Variants in ANXA4 observed in about 807,000 individuals in gnomAD.
ANXA4 encodes the protein annexin A4, also known as 35-beta calcimedin.
A neutral mutation model predicts 49.8 loss-of-function variants in ANXA4; 39 were observed. That is an observed-to-expected ratio of 0.78 (90% CI 0.61 to 1.02). The LOEUF (loss-of-function observed/expected upper bound fraction) is 1.02. Ranked by LOEUF, ANXA4 falls within the 50% of genes least tolerant of loss-of-function variation. The pLI, the probability that ANXA4 is intolerant of heterozygous loss-of-function variation, is 0.00. For synonymous variants in ANXA4, 134 were observed against 152.5 expected (o/e 0.88, Z 0.89); for missense variants, 360 against 410.1 (o/e 0.88, Z 1.05).
chr2:69,761,324 C>T (rs1671276610), intron 1 of ANXA4, among the ~76,000 whole-genome samples: 1 of 152,068 alleles, frequency 6.6e-6, no homozygotes, highest in South Asian at 2.1e-4. Context: ...ATGAAATGTT[C>T]AGTTTTCACA....
At chr2:69,647,569 T>A (rs567744351) in intron 1 of ANXA4, among the ~76,000 whole-genome samples, 4 of 152,000 alleles carry the variant, frequency 2.6e-5, no homozygotes, top group African/African-American at 9.6e-5. Flanking sequence ...CCACCATGCC[T>A]GGCTAATTTT....
rs773652255 is a variant in ANXA4, at chr2:69,818,714, A to G, written c.724+20A>G. ...CTATAGGTAAGCTGGTAGGGGGAGTAGAGAAACAAATGTTTATAGATTTTC... is the reference window on the plus strand; with the variant it reads ...CTATAGGTAAGCTGGTAGGGGGAGTGGAGAAACAAATGTTTATAGATTTTC... On this transcript the variant is annotated intron_variant, in intron 10 of 12. Coordinates refer to ENST00000394295, the MANE Select transcript of ANXA4 (RefSeq NM_001153.5). 13 of 1,489,008 alleles carry G rather than the reference A, an allele frequency of 8.7e-6. No homozygotes were observed. In the South Asian group the frequency reaches 1.3e-4, roughly 15 times the overall value. 92.2% of individuals were successfully genotyped at this position (1,489,008 alleles called of 1,614,324 possible).
At chr2:69,708,277 A>G (rs1034832751) in intron 2 of ANXA4, among the ~76,000 whole-genome samples, 7 of 152,166 alleles carry the variant, frequency 4.6e-5, no homozygotes, top group African/African-American at 1.2e-4. Context: ...TCGAGTGCCA[A>G]TGGTCAAACG....
upstream of ANXA4, among the ~76,000 whole-genome samples, chr2:69,739,681 T>C (rs1670335968): frequency 6.6e-6 from 1 of 151,978 alleles, no homozygotes. Context: ...ACCGCGGCCT[T>C]CCAACGTGCT....
At chr2:69,824,285 T>C (rs774155570) in intron 12 of ANXA4, among the ~76,000 whole-genome samples, 7 of 151,958 alleles carry the variant, frequency 4.6e-5, no homozygotes, top group Non-Finnish European at 8.8e-5. Context: ...AGTGGATCAC[T>C]TGAGGTCAGG....
intron 2 of ANXA4, among the ~76,000 whole-genome samples, chr2:69,669,781 T>C (rs935939584): frequency 1.2e-4 from 18 of 152,322 alleles, no homozygotes; most frequent in Admixed American, 1.1e-3. Flanking sequence ...ACTGACTCTG[T>C]TGCCTGGCTG....
intron 2 of ANXA4, among the ~76,000 whole-genome samples, chr2:69,785,435 C>T (rs1672374237): frequency 6.6e-6 from 1 of 152,172 alleles, no homozygotes; most frequent in Non-Finnish European, 1.5e-5. Flanking sequence ...TACAAATGCT[C>T]CATCCTAGAT....
intron 3 of ANXA4, among the ~76,000 whole-genome samples, chr2:69,799,771 C>T (rs887429560): frequency 6.6e-6 from 1 of 152,106 alleles, no homozygotes; most frequent in East Asian, 1.9e-4. Flanking sequence ...AGAAGTATCC[C>T]CTGGTTCTTA....
intron 2 of ANXA4, among the ~76,000 whole-genome samples, chr2:69,787,125 T>A (rs556133935): frequency 6.6e-6 from 1 of 152,248 alleles, no homozygotes; most frequent in Non-Finnish European, 1.5e-5. Context: ...TTTCAATAGA[T>A]TAAACCTCTT....
intron 2 of ANXA4, among the ~76,000 whole-genome samples, chr2:69,710,493 A>T (rs914602330): frequency 6.6e-6 from 1 of 151,372 alleles, no homozygotes; most frequent in African/African-American, 2.5e-5. Context: ...AGTAACATTG[A>T]TATGGAAATC....
At chr2:69,760,793 A>G (rs1392491715) in intron 1 of ANXA4, among the ~76,000 whole-genome samples, 1 of 152,218 alleles carries the variant, frequency 6.6e-6, no homozygotes, top group Non-Finnish European at 1.5e-5. Flanking sequence ...TCTGGCCATA[A>G]TAAATGTTCA....
At chr2:69,661,754 T>A (rs1676731064) in intron 2 of ANXA4, among the ~76,000 whole-genome samples, 1 of 150,954 alleles carries the variant, frequency 6.6e-6, no homozygotes, top group Non-Finnish European at 1.5e-5. Flanking sequence ...GGTAAGAGAG[T>A]TTTTTTTGCA....
chr2:69,739,408 G>GT (rs1273304118), upstream of ANXA4, among the ~76,000 whole-genome samples: 3 of 150,468 alleles, frequency 2.0e-5, no homozygotes, highest in East Asian at 5.8e-4. Context: ...TAAAAAAGTG[G>GT]TTTTTTTAGG....
At chr2:69,742,572 C>A (rs929593966) in intron 1 of ANXA4, among the ~76,000 whole-genome samples, 5 of 152,206 alleles carry the variant, frequency 3.3e-5, no homozygotes, top group African/African-American at 1.2e-4. Context: ...CTTTTTAATT[C>A]TTTACTCCAT....
chr2:69,719,471 G>A (rs577642417), intron 2 of ANXA4, among the ~76,000 whole-genome samples: 14 of 150,406 alleles, frequency 9.3e-5, no homozygotes, highest in African/African-American at 2.7e-4. Flanking sequence ...ACGGAGTCTT[G>A]CTCTGTTGCC....
upstream of ANXA4, among the ~76,000 whole-genome samples, chr2:69,738,912 C>G (rs183689185): frequency 2.0e-5 from 3 of 152,278 alleles, no homozygotes; most frequent in Admixed American, 2.0e-4. Flanking sequence ...AAATTCAGAC[C>G]CACAAAATCA....
intron 1 of ANXA4, among the ~76,000 whole-genome samples, chr2:69,750,654 T>C (rs544760240): frequency 2.4e-4 from 36 of 152,346 alleles, no homozygotes; most frequent in African/African-American, 7.2e-4. Flanking sequence ...AGTCAAGCCA[T>C]CTGCCTGCTT....
chr2:69,647,504 G>T (rs924227143), intron 1 of ANXA4, among the ~76,000 whole-genome samples: 1 of 151,738 alleles, frequency 6.6e-6, no homozygotes, highest in South Asian at 2.1e-4. Flanking sequence ...TGCCTCCCAG[G>T]CTCCAGCGAT....
At chr2:69,649,124 G>A (rs1676127471) in intron 1 of ANXA4, among the ~76,000 whole-genome samples, 1 of 151,978 alleles carries the variant, frequency 6.6e-6, no homozygotes, top group South Asian at 2.1e-4. Flanking sequence ...AACCTCAGGT[G>A]ATCTGCCCAC....
Sources: gnomAD v4.1 joint callset for allele counts (sites outside exome capture counted in the v4.1 genomes callset) on GRCh38, gnomAD v4.1.1 for gene constraint, MANE v1.5 for transcripts, NCBI Gene and HGNC (gene_info 2026-07-23, HGNC 2026-07-21) for gene names.